SCEL: variants seen among roughly 807,000 people sequenced by gnomAD.
SCEL encodes the protein sciellin.
In SCEL, 113 loss-of-function variants were observed where a neutral mutation model predicts 117.6. That is an observed-to-expected ratio of 0.96 (90% CI 0.83 to 1.12). The LOEUF (loss-of-function observed/expected upper bound fraction) is 1.12, where lower values mean the gene tolerates loss of function less well. Ranked by LOEUF, SCEL falls within the 50% of genes most tolerant of loss-of-function variation. SCEL has a pLI of 0.00. For missense variants in SCEL, 785 were observed against 810.8 expected (o/e 0.97, Z 0.39); for synonymous variants, 270 against 256.2 (o/e 1.05, Z -0.51).
chr13:77,552,169 C>T (rs2084371057), intron 1 of SCEL, among the ~76,000 whole-genome samples: 1 of 151,748 alleles, frequency 6.6e-6, no homozygotes, highest in Non-Finnish European at 1.5e-5. Flanking sequence ...GTGCATGTGT[C>T]TTTATAGCAG....
intron 12 of SCEL, among the ~76,000 whole-genome samples, chr13:77,594,254 T>C (rs1398717714): frequency 6.6e-6 from 1 of 152,244 alleles, no homozygotes; most frequent in East Asian, 1.9e-4. Context: ...ACATTGCCCA[T>C]TCAATGGCAT....
intron 1 of SCEL, among the ~76,000 whole-genome samples, chr13:77,540,190 GAAAAAT>G (rs1003179022): frequency 6.6e-6 from 1 of 152,128 alleles, no homozygotes; most frequent in Non-Finnish European, 1.5e-5. Context: ...AAAATTAAAA[GAAAAAT>G]AAATATTTAG....
intron 20 of SCEL, among the ~76,000 whole-genome samples, chr13:77,608,376 G>T (rs905096654): frequency 3.9e-5 from 6 of 152,184 alleles, no homozygotes; most frequent in Non-Finnish European, 8.8e-5. Context: ...AAGGTGGGCG[G>T]ATTACTTGAG....
At chr13:77,558,587 G>A (rs910915089) in intron 3 of SCEL, among the ~76,000 whole-genome samples, 2 of 152,064 alleles carry the variant, frequency 1.3e-5, no homozygotes, top group Non-Finnish European at 2.9e-5. Flanking sequence ...GCCGAGGCGA[G>A]CAAGTCACTT....
intron 3 of SCEL, 85 bp downstream of exon 3, chr13:77,556,798 T>TATTCACTTTTCA: frequency 2.1e-6 from 2 of 949,260 alleles, no homozygotes; most frequent in East Asian, 2.4e-5. Context: ...ATCTGAAAAG[T>TATTCACTTTTCA]GAATACTTTT....
chr13:77,568,833 A>G (rs1324490109), intron 7 of SCEL, among the ~76,000 whole-genome samples: 1 of 152,234 alleles, frequency 6.6e-6, no homozygotes, highest in Non-Finnish European at 1.5e-5. Context: ...ACAGATTTAT[A>G]AACTTACTTT....
intron 1 of SCEL, among the ~76,000 whole-genome samples, chr13:77,550,782 T>A (rs748803815): frequency 9.8e-5 from 15 of 152,332 alleles, no homozygotes; most frequent in Non-Finnish European, 1.6e-4. Context: ...ACATTGGGGT[T>A]GTTTCTACTT....
chr13:77,628,714 TGAAAA>T (rs749196554), intron 28 of SCEL, among the ~76,000 whole-genome samples: 1 of 152,158 alleles, frequency 6.6e-6, no homozygotes, highest in Non-Finnish European at 1.5e-5. Flanking sequence ...ATTTTTTCTA[TGAAAA>T]GAAATGATAT....
intron 11 of SCEL, 64 bp downstream of exon 11, chr13:77,591,524 A>G (rs1397054943): frequency 5.4e-6 from 5 of 932,872 alleles, no homozygotes; most frequent in South Asian, 1.6e-5. Flanking sequence ...TTCTCAGCAC[A>G]TTAAAAAATG....
At chr13:77,599,453 C>G in intron 14 of SCEL, 65 bp downstream of exon 14, 1 of 1,342,578 alleles carries the variant, frequency 7.4e-7, no homozygotes, top group South Asian at 1.2e-5. Context: ...TTCCCTCAGA[C>G]ATTAGCTGCA....
At chr13:77,571,398 A>T (rs934578545) in intron 8 of SCEL, among the ~76,000 whole-genome samples, 3 of 127,832 alleles carry the variant, frequency 2.3e-5, no homozygotes, top group Non-Finnish European at 5.0e-5. Flanking sequence ...AAAAAAAATT[A>T]TATTTTGAAG....
At chr13:77,608,818 C>T (rs1040885704) in intron 20 of SCEL, among the ~76,000 whole-genome samples, 2 of 151,950 alleles carry the variant, frequency 1.3e-5, no homozygotes, top group Non-Finnish European at 2.9e-5. Context: ...TTTTTAATGG[C>T]GTCTTGCTCT....
chr13:77,542,562 T>A (rs2083765163), intron 1 of SCEL, among the ~76,000 whole-genome samples: 1 of 152,228 alleles, frequency 6.6e-6, no homozygotes, highest in Admixed American at 6.5e-5. Flanking sequence ...AAATAGCTGC[T>A]TTCTAACCAT....
chr13:77,542,325 C>T (rs528513611), intron 1 of SCEL, among the ~76,000 whole-genome samples: 1 of 152,224 alleles, frequency 6.6e-6, no homozygotes, highest in East Asian at 1.9e-4. Flanking sequence ...AGCTTGAACC[C>T]GGGAGGTGGA....
intron 24 of SCEL, among the ~76,000 whole-genome samples, chr13:77,615,713 T>C (rs1360139875): frequency 6.6e-6 from 1 of 152,136 alleles, no homozygotes; most frequent in Non-Finnish European, 1.5e-5. Context: ...ATATTTGTTG[T>C]TTTCAAAAAT....
At chr13:77,631,895 A>G (rs1286492569) in intron 28 of SCEL, among the ~76,000 whole-genome samples, 2 of 152,240 alleles carry the variant, frequency 1.3e-5, no homozygotes, top group Admixed American at 1.3e-4. Context: ...ATTTTCTCAC[A>G]GCTCTGGAGG....
At chr13:77,569,505 T>G in intron 8 of SCEL, 54 bp downstream of exon 8, 1 of 1,359,292 alleles carries the variant, frequency 7.4e-7, no homozygotes, top group East Asian at 2.3e-5. Context: ...AAAGACTGCA[T>G]TAGAAAGCTT....
intron 19 of SCEL, among the ~76,000 whole-genome samples, chr13:77,606,915 T>A (rs2088244087): frequency 6.6e-6 from 1 of 152,180 alleles, no homozygotes; most frequent in Non-Finnish European, 1.5e-5. Context: ...CTGCTGCTAC[T>A]GGTATGCAGA....
intron 10 of SCEL, among the ~76,000 whole-genome samples, chr13:77,589,681 C>A (rs908621133): frequency 1.3e-5 from 2 of 152,146 alleles, no homozygotes; most frequent in East Asian, 1.9e-4. Flanking sequence ...TGTTACCACT[C>A]AAATCCTTGC....
Sources: allele counts gnomAD v4.1 joint callset (sites outside exome capture counted in the v4.1 genomes callset), GRCh38; gene constraint gnomAD v4.1.1; transcripts MANE v1.5; gene names NCBI Gene and HGNC (gene_info 2026-07-23, HGNC 2026-07-21).